Variants in RNGTT observed in about 807,000 individuals in gnomAD.
RNGTT encodes mRNA-capping enzyme.
Under a neutral mutation model 79.3 loss-of-function variants are expected in RNGTT, and 33 were observed. The ratio of observed to expected loss-of-function variants is 0.42; its 90% CI spans 0.32 to 0.56. RNGTT has a LOEUF of 0.56. RNGTT is among the 20% of genes least tolerant of loss of function. The pLI, the probability that RNGTT is intolerant of heterozygous loss-of-function variation, is 0.17. For missense variants in RNGTT, 497 were observed against 739.1 expected (o/e 0.67, Z 3.80); for synonymous variants, 222 against 235.9 (o/e 0.94, Z 0.54).
At chr6:88,743,639 T>C (rs1042286784) in intron 13 of RNGTT, among the ~76,000 whole-genome samples, 8 of 152,202 alleles carry the variant, frequency 5.3e-5, no homozygotes, top group African/African-American at 1.7e-4. Flanking sequence ...CAATGTAGCA[T>C]ATGTCAGAAT....
rs367967175 is a variant in RNGTT at position 88,739,725 on chromosome 6, T to TTATATATATATATA, written c.1439+30035_1439+30048dup. 3.8e-4 allele frequency among the ~76,000 whole-genome samples: 36 copies of TTATATATATATATA among 94,150 alleles called. 1 individual carries two copies. Among genetic ancestry groups the TTATATATATATATA allele is most frequent in the Non-Finnish European group, 5.4e-4 (27 of 49,750 alleles). The allele number at this position is 94,150 out of a possible 152,430, so 61.8% of individuals were successfully genotyped here. A position where few individuals can be genotyped will look rare whatever the true frequency, so the allele number is the denominator to read the frequency against. The stretch of plus-strand genomic sequence containing the variant: ...TCCCGTGTAACTGGTGTGAAAAAAA[T>TTATATATATATATA]TATATATATATATATATATATATAT... On this transcript the variant is annotated intron_variant, in intron 13 of 15. Transcript: ENST00000369485.
intron 1 of RNGTT, among the ~76,000 whole-genome samples, chr6:88,942,563 G>A (rs2127959222): frequency 6.6e-6 from 1 of 152,048 alleles, no homozygotes; most frequent in East Asian, 1.9e-4. Flanking sequence ...TAGGGATGAG[G>A]TTTTGCCATG....
At chr6:88,874,419 A>T (rs1252591068) in intron 8 of RNGTT, among the ~76,000 whole-genome samples, 2 of 152,134 alleles carry the variant, frequency 1.3e-5, no homozygotes, top group Non-Finnish European at 2.9e-5. Context: ...GAATTTTCCC[A>T]AAAGTTTTAT....
At position 88,672,064 on chromosome 6, in the gene RNGTT, A is replaced by C. The variant is rs1274106843; in HGVS notation, c.1506+6289T>G. 4.6e-5 allele frequency among the ~76,000 whole-genome samples: 7 copies of C among 152,252 alleles called. No individual in the cohort carries two copies. The East Asian group carries it at 1.3e-3, about 29-fold the overall frequency. Reference sequence around the variant, plus strand: ...GACATTGGTTTAGGTAGAGTTCATGACCAGGAACCCAAAAGCAAATGCAAC... The same window carrying C: ...GACATTGGTTTAGGTAGAGTTCATGCCCAGGAACCCAAAAGCAAATGCAAC... On this transcript the variant is annotated intron_variant, in intron 14 of 15. Coordinates refer to ENST00000369485, the MANE Select transcript of RNGTT (RefSeq NM_003800.5).
chr6:88,719,164 G>C (rs1012301645), intron 13 of RNGTT, among the ~76,000 whole-genome samples: 1 of 152,142 alleles, frequency 6.6e-6, no homozygotes, highest in East Asian at 1.9e-4. Flanking sequence ...ATCATGGTTA[G>C]CCTTCTTCAA....
At chr6:88,872,125 C>T (rs1021052930) in intron 8 of RNGTT, among the ~76,000 whole-genome samples, 19 of 152,170 alleles carry the variant, frequency 1.2e-4, no homozygotes, top group African/African-American at 4.3e-4. Flanking sequence ...TCTTGTAAGC[C>T]ACTTCTTTTA....
At chr6:88,952,312 T>G (rs1177517004) in intron 1 of RNGTT, among the ~76,000 whole-genome samples, 1 of 152,174 alleles carries the variant, frequency 6.6e-6, no homozygotes, top group Non-Finnish European at 1.5e-5. Flanking sequence ...ATCCTTCCCC[T>G]ACCTGATGGT....
chr6:88,627,093 T>C (rs1228868944), intron 14 of RNGTT, among the ~76,000 whole-genome samples: 1 of 152,126 alleles, frequency 6.6e-6, no homozygotes, highest in African/African-American at 2.4e-5. Context: ...CACTTTTTTC[T>C]TTATAGTTAT....
At chr6:88,638,677 T>C (rs1198671800) in intron 14 of RNGTT, among the ~76,000 whole-genome samples, 1 of 152,086 alleles carries the variant, frequency 6.6e-6, no homozygotes, top group East Asian at 1.9e-4. Flanking sequence ...AAATAAAATA[T>C]TCGTTATTTT....
At chr6:88,893,849 T>A (rs367942341) in intron 6 of RNGTT, among the ~76,000 whole-genome samples, 2 of 152,168 alleles carry the variant, frequency 1.3e-5, no homozygotes, top group African/African-American at 4.8e-5. Context: ...ACACAAATCA[T>A]CCTTGGTAAC....
chr6:88,753,559 A>C (rs1340160439), intron 13 of RNGTT, among the ~76,000 whole-genome samples: 1 of 152,022 alleles, frequency 6.6e-6, no homozygotes, highest in Non-Finnish European at 1.5e-5. Context: ...GTTCTGAAAA[A>C]GGAATAAAGC....
At chr6:88,789,238 G>A (rs1218066126) in intron 12 of RNGTT, among the ~76,000 whole-genome samples, 2 of 152,132 alleles carry the variant, frequency 1.3e-5, no homozygotes, top group Non-Finnish European at 2.9e-5. Context: ...TGGCCAACAT[G>A]GGGAAACCCC....
intron 14 of RNGTT, among the ~76,000 whole-genome samples, chr6:88,648,680 C>T (rs546215064): frequency 1.1e-3 from 175 of 152,254 alleles, no homozygotes; most frequent in African/African-American, 3.9e-3. Flanking sequence ...AACACGCATG[C>T]ATGCATTCAC....
chr6:88,658,677 T>C (rs1481514691), intron 14 of RNGTT, among the ~76,000 whole-genome samples: 3 of 152,210 alleles, frequency 2.0e-5, no homozygotes, highest in African/African-American at 7.2e-5. Flanking sequence ...AAGGCAGACC[T>C]ACCCTCAATT....
chr6:88,632,086 T>A (rs1772911182), intron 14 of RNGTT, among the ~76,000 whole-genome samples: 2 of 152,118 alleles, frequency 1.3e-5, no homozygotes, highest in Admixed American at 1.3e-4. Context: ...TCAGCTTTGC[T>A]AGCAGCTGGA....
chr6:88,948,458 C>G (rs1582167116), intron 1 of RNGTT, among the ~76,000 whole-genome samples: 1 of 141,724 alleles, frequency 7.1e-6, no homozygotes, highest in African/African-American at 2.6e-5. Context: ...GCCCCTCTGC[C>G]CGGCCAGCCG....
rs199828161 is a variant in RNGTT, at chr6:88,734,540, A to AT, written c.1439+35233dup. ...TAAAAAACAGAGACTGTCAGAGAAG[A>AT]TTTTTTTTAAAAAGACCCAACTAAT... On this transcript the variant is annotated intron_variant, in intron 13 of 15. Coordinates refer to ENST00000369485, the MANE Select transcript of RNGTT (RefSeq NM_003800.5). 5.0e-3 allele frequency among the ~76,000 whole-genome samples: 764 copies of AT among 152,158 alleles called. 7 individuals carry two copies. Among genetic ancestry groups the AT allele is most frequent in the African/African-American group, 0.017 (726 of 41,546 alleles).
intron 10 of RNGTT, among the ~76,000 whole-genome samples, chr6:88,845,058 T>C (rs1781442209): frequency 6.6e-6 from 1 of 152,156 alleles, no homozygotes; most frequent in South Asian, 2.1e-4. Flanking sequence ...TAATTATTTA[T>C]ATAAATTAGT....
chr6:88,878,518 C>T (rs964821418), intron 8 of RNGTT, among the ~76,000 whole-genome samples: 1 of 152,076 alleles, frequency 6.6e-6, no homozygotes, highest in Non-Finnish European at 1.5e-5. Context: ...CAGACACCTC[C>T]ACAAAAACTC....
Sources: allele counts gnomAD v4.1 joint callset (sites outside exome capture counted in the v4.1 genomes callset), GRCh38; gene constraint gnomAD v4.1.1; transcripts MANE v1.5; gene names NCBI Gene and HGNC (gene_info 2026-07-23, HGNC 2026-07-21).